AGBL4: variants seen among roughly 807,000 people sequenced by gnomAD.
AGBL4 encodes cytosolic carboxypeptidase 6.
Under a neutral mutation model 66.4 loss-of-function variants are expected in AGBL4, and 58 were observed. The ratio of observed to expected loss-of-function variants is 0.87; its 90% CI spans 0.71 to 1.09. The LOEUF is 1.09. Among genes scored for constraint, AGBL4 ranks in the 50% least tolerant of loss-of-function variants. The pLI, the probability that AGBL4 is intolerant of heterozygous loss-of-function variation, is 0.00. For missense variants in AGBL4, 579 were observed against 631.0 expected, an observed-to-expected ratio of 0.92 and a Z score of 0.88; for synonymous variants, 234 against 222.9, an observed-to-expected ratio of 1.05 and a Z score of -0.44.
In AGBL4 at chr1:48,714,510, G is replaced by T. The variant is rs149940115; in HGVS notation, c.635-51269C>A. ...GTCCCATCCACCCCTTCAATCTCTC[G>T]GCCCCTGCCTTTGCTCCAGCCTTCC... On this transcript the variant is annotated intron_variant, in intron 6 of 13. Coordinates refer to ENST00000371839, the MANE Select transcript of AGBL4 (RefSeq NM_032785.4). 3.9e-5 allele frequency among the ~76,000 whole-genome samples: 6 copies of T among 151,920 alleles called. No homozygotes were observed. The East Asian group carries it at 1.2e-3, about 29-fold the overall frequency.
In AGBL4 at chr1:49,747,052, T is replaced by C. The variant is rs548010196; in HGVS notation, c.158-49615A>G. ...ACAAATGTAGAAAACAGGTCAGCTATTGACATGGCTGACGCAAAAACCTAG... is the reference window on the plus strand; with the variant it reads ...ACAAATGTAGAAAACAGGTCAGCTACTGACATGGCTGACGCAAAAACCTAG... On this transcript the variant is annotated intron_variant, in intron 2 of 13. Transcript: ENST00000371839. 2.4e-4 allele frequency among the ~76,000 whole-genome samples: 36 copies of C among 152,284 alleles called. 1 individual carries two copies. Among genetic ancestry groups the C allele is most frequent in the African/African-American group, 7.7e-4 (32 of 41,586 alleles).
intron 6 of AGBL4, chr1:48,759,342 C>T: frequency 1.3e-6 from 2 of 1,519,756 alleles, no homozygotes; most frequent in Non-Finnish European, 8.8e-7. Flanking sequence ...TCTTGGACTG[C>T]AGATCAATAT....
intron 4 of AGBL4, among the ~76,000 whole-genome samples, chr1:49,122,640 G>A (rs1204886049): frequency 6.6e-6 from 1 of 152,200 alleles, no homozygotes; most frequent in African/African-American, 2.4e-5. Flanking sequence ...GCAACCTGCA[G>A]TTTAATCCTA....
intron 3 of AGBL4, among the ~76,000 whole-genome samples, chr1:49,347,942 C>T (rs956850894): frequency 2.0e-5 from 3 of 152,070 alleles, no homozygotes; most frequent in South Asian, 2.1e-4. Context: ...CCACATGATC[C>T]GGGAACCCTC....
chr1:48,592,335 T>A (rs1178771455), intron 9 of AGBL4, among the ~76,000 whole-genome samples: 2 of 152,248 alleles, frequency 1.3e-5, no homozygotes, highest in Admixed American at 6.5e-5. Flanking sequence ...CTCCTTGGGA[T>A]GCTTTTAAAT....
intron 9 of AGBL4, among the ~76,000 whole-genome samples, chr1:48,610,162 C>T (rs893295983): frequency 6.6e-6 from 1 of 152,246 alleles, no homozygotes; most frequent in African/African-American, 2.4e-5. Context: ...GGAGAAGCTG[C>T]TGCTGCTGCT....
intron 5 of AGBL4, among the ~76,000 whole-genome samples, chr1:48,872,134 T>C (rs542864484): frequency 6.6e-6 from 1 of 152,208 alleles, no homozygotes; most frequent in East Asian, 1.9e-4. Flanking sequence ...TGGGAATATT[T>C]CCAGAAAATT....
chr1:48,605,257 A>G (rs1162002250), intron 9 of AGBL4, among the ~76,000 whole-genome samples: 2 of 152,190 alleles, frequency 1.3e-5, no homozygotes, highest in Non-Finnish European at 2.9e-5. Context: ...TAGGCAAGGA[A>G]TATATTTTCC....
At chr1:49,188,061 C>T (rs151299572) in intron 4 of AGBL4, among the ~76,000 whole-genome samples, 9 of 152,256 alleles carry the variant, frequency 5.9e-5, no homozygotes, top group Non-Finnish European at 2.9e-5. Context: ...GTGACTTGCT[C>T]CTCCTTGCCT....
intron 3 of AGBL4, among the ~76,000 whole-genome samples, chr1:49,515,784 A>G (rs1649749797): frequency 6.6e-6 from 1 of 151,336 alleles, no homozygotes; most frequent in African/African-American, 2.4e-5. Context: ...AAACTACCGC[A>G]AGGACAAAAA....
At chr1:49,530,073 C>A (rs1650973643) in intron 3 of AGBL4, among the ~76,000 whole-genome samples, 1 of 151,648 alleles carries the variant, frequency 6.6e-6, no homozygotes, top group Middle Eastern at 3.4e-3. Context: ...AAGATTACCA[C>A]TTGCTTCTGT....
At chr1:49,359,929 T>C (rs534900767) in intron 3 of AGBL4, among the ~76,000 whole-genome samples, 1 of 152,254 alleles carries the variant, frequency 6.6e-6, no homozygotes, top group South Asian at 2.1e-4. Flanking sequence ...CCCAGGCAGA[T>C]GAAGAGGTGG....
chr1:49,721,961 T>A (rs1199443778), intron 2 of AGBL4, among the ~76,000 whole-genome samples: 4 of 152,136 alleles, frequency 2.6e-5, no homozygotes, highest in Non-Finnish European at 5.9e-5. Context: ...AATACAGAAC[T>A]TGAAGAGAAA....
intron 3 of AGBL4, among the ~76,000 whole-genome samples, chr1:49,548,015 G>A (rs560739532): frequency 7.9e-4 from 120 of 152,068 alleles, no homozygotes; most frequent in African/African-American, 2.7e-3. Context: ...CTTGTGATCC[G>A]CCTGCCTTGG....
intron 2 of AGBL4, among the ~76,000 whole-genome samples, chr1:49,829,037 C>G (rs1303104049): frequency 6.6e-6 from 1 of 150,678 alleles, no homozygotes; most frequent in Non-Finnish European, 1.5e-5. Flanking sequence ...CCACTGCAGT[C>G]CAGCCTGGAC....
At chr1:48,839,593 C>G (rs1214568479) in intron 6 of AGBL4, among the ~76,000 whole-genome samples, 1 of 152,010 alleles carries the variant, frequency 6.6e-6, no homozygotes, top group Non-Finnish European at 1.5e-5. Context: ...AGAGGGGAGA[C>G]AGAGAGTATA....
At chr1:49,253,430 T>C (rs1399459489) in intron 3 of AGBL4, among the ~76,000 whole-genome samples, 1 of 152,016 alleles carries the variant, frequency 6.6e-6, no homozygotes, top group Non-Finnish European at 1.5e-5. Context: ...CTAGAGGAAA[T>C]GGATAAATTC....
intron 1 of AGBL4, among the ~76,000 whole-genome samples, chr1:49,905,480 T>C (rs1395319855): frequency 6.6e-6 from 1 of 152,126 alleles, no homozygotes; most frequent in Non-Finnish European, 1.5e-5. Flanking sequence ...ATGGTTCAGA[T>C]TATGGTCCAG....
chr1:49,476,474 C>T (rs1328280180), intron 3 of AGBL4, among the ~76,000 whole-genome samples: 5 of 151,880 alleles, frequency 3.3e-5, no homozygotes, highest in African/African-American at 1.2e-4. Context: ...TTTTCTGCCT[C>T]GATAATCTGT....
Sources: gnomAD v4.1 joint callset for allele counts (sites outside exome capture counted in the v4.1 genomes callset) on GRCh38, gnomAD v4.1.1 for gene constraint, MANE v1.5 for transcripts, NCBI Gene and HGNC (gene_info 2026-07-23, HGNC 2026-07-21) for gene names.